Variants in KCNK2 observed in about 807,000 individuals in gnomAD.
KCNK2 encodes potassium channel subfamily K member 2.
KCNK2 carries 21 observed loss-of-function variants against 40.5 expected under a neutral mutation model. That is an observed-to-expected ratio of 0.52 (90% CI 0.37 to 0.75). KCNK2 has a LOEUF of 0.75. Ranked by LOEUF, KCNK2 falls within the 30% of genes least tolerant of loss-of-function variation. The pLI, the probability that KCNK2 is intolerant of heterozygous loss-of-function variation, is 0.00. For missense variants in KCNK2, 399 were observed against 531.6 expected (o/e 0.75, Z 2.45); for synonymous variants, 191 against 202.2 (o/e 0.94, Z 0.47).
At chr1:215,159,847 G>A (rs911996750) in intron 3 of KCNK2, among the ~76,000 whole-genome samples, 1 of 152,134 alleles carries the variant, frequency 6.6e-6, no homozygotes, top group Admixed American at 6.6e-5. Context: ...CATCTTAATA[G>A]GACAAGCTAA....
At chr1:215,133,749 A>T (rs1340628439) in intron 3 of KCNK2, among the ~76,000 whole-genome samples, 3 of 152,012 alleles carry the variant, frequency 2.0e-5, no homozygotes, top group Non-Finnish European at 4.4e-5. Context: ...AATGAAGTTC[A>T]TGTTTAACTA....
At chr1:215,111,156 A>G (rs773673096) in intron 2 of KCNK2, among the ~76,000 whole-genome samples, 2 of 152,060 alleles carry the variant, frequency 1.3e-5, no homozygotes, top group Non-Finnish European at 2.9e-5. Context: ...ATGTCTTTTC[A>G]TGTAATCTGA....
chr1:215,119,652 C>G (rs1661093696), intron 2 of KCNK2, among the ~76,000 whole-genome samples: 1 of 152,174 alleles, frequency 6.6e-6, no homozygotes, highest in South Asian at 2.1e-4. Flanking sequence ...TATTAATCAG[C>G]ACTTCAGGTA....
At chr1:215,185,758 T>G (rs1664409253) in intron 5 of KCNK2, among the ~76,000 whole-genome samples, 1 of 152,144 alleles carries the variant, frequency 6.6e-6, no homozygotes, top group Admixed American at 6.5e-5. Flanking sequence ...ATAAATCTCA[T>G]AAGGAAACAA....
intron 6 of KCNK2, among the ~76,000 whole-genome samples, chr1:215,204,037 C>CAAA (rs71167813): frequency 0.018 from 936 of 53,156 alleles, 215 homozygotes; most frequent in African/African-American, 0.091. Flanking sequence ...GACTCCGTCT[C>CAAA]AAAAAAAAAA....
chr1:215,022,461 C>T (rs201999593), intron 1 of KCNK2, among the ~76,000 whole-genome samples: 1 of 151,796 alleles, frequency 6.6e-6, no homozygotes, highest in African/African-American at 2.4e-5. Context: ...AAACAAGAGA[C>T]GTGTGTGGCT....
chr1:215,049,407 A>G (rs1657901742), intron 1 of KCNK2, among the ~76,000 whole-genome samples: 1 of 152,132 alleles, frequency 6.6e-6, no homozygotes, highest in South Asian at 2.1e-4. Context: ...ACTGTCAGAT[A>G]TATGGTTTAC....
chr1:215,075,693 T>G (rs945500339), intron 1 of KCNK2, among the ~76,000 whole-genome samples: 2 of 152,208 alleles, frequency 1.3e-5, no homozygotes, highest in African/African-American at 2.4e-5. Context: ...AAAGTGGATG[T>G]TGTTATGTGC....
intron 1 of KCNK2, among the ~76,000 whole-genome samples, chr1:215,058,660 A>C (rs972476012): frequency 4.0e-5 from 6 of 151,798 alleles, no homozygotes; most frequent in African/African-American, 1.5e-4. Context: ...TAAAATCCAA[A>C]CCCTTTCTCC....
chr1:215,141,186 T>TA (rs1423238009), intron 3 of KCNK2, among the ~76,000 whole-genome samples: 1 of 152,110 alleles, frequency 6.6e-6, no homozygotes, highest in African/African-American at 2.4e-5. Context: ...GAATATCTAT[T>TA]ACGGTTAACG....
intron 6 of KCNK2, among the ~76,000 whole-genome samples, chr1:215,208,108 C>T (rs1236390050): frequency 6.6e-6 from 1 of 152,138 alleles, no homozygotes; most frequent in Non-Finnish European, 1.5e-5. Context: ...ATAGCAAAGA[C>T]ATGGAATCAA....
intron 1 of KCNK2, among the ~76,000 whole-genome samples, chr1:215,075,854 A>G (rs982270160): frequency 7.2e-5 from 11 of 152,156 alleles, no homozygotes; most frequent in African/African-American, 2.7e-4. Context: ...CCTGCCTCTC[A>G]TCCAGTGGTT....
chr1:215,211,970 AT>A, intron 6 of KCNK2, among the ~76,000 whole-genome samples: 1 of 152,248 alleles, frequency 6.6e-6, no homozygotes, highest in Non-Finnish European at 1.5e-5. Flanking sequence ...AAATGACAAT[AT>A]TTAAGGAGTG....
intron 5 of KCNK2, 35 bp downstream of exon 5, chr1:215,172,218 A>T: frequency 6.4e-7 from 1 of 1,556,320 alleles, no homozygotes; most frequent in South Asian, 1.2e-5. Flanking sequence ...TACTCTTCTA[A>T]CAGGGGTTTA....
At chr1:215,034,138 G>T (rs1657301624) in intron 1 of KCNK2, among the ~76,000 whole-genome samples, 2 of 152,138 alleles carry the variant, frequency 1.3e-5, no homozygotes, top group African/African-American at 4.8e-5. Flanking sequence ...TCTAAAAAGA[G>T]TTGTTGACTT....
At chr1:215,083,619 C>G (rs1659285170) in intron 1 of KCNK2, 188 bp downstream of exon 1, 1 of 608,680 alleles carries the variant, frequency 1.6e-6, no homozygotes, top group South Asian at 2.0e-5. Context: ...CACGCCGCTT[C>G]TCCCCCCTCT....
chr1:215,061,440 G>T (rs1391853095), intron 1 of KCNK2, among the ~76,000 whole-genome samples: 1 of 151,988 alleles, frequency 6.6e-6, no homozygotes, highest in Non-Finnish European at 1.5e-5. Context: ...AAGGGACTTT[G>T]GTTTTTTGGG....
chr1:215,112,020 GGCTTGTA>G (rs1240342194), intron 2 of KCNK2, among the ~76,000 whole-genome samples: 1 of 151,546 alleles, frequency 6.6e-6, no homozygotes, highest in Non-Finnish European at 1.5e-5. Flanking sequence ...CTTTTTCAGG[GGCTTGTA>G]ATCTCTTGCT....
At chr1:215,024,701 A>G (rs1034169248) in intron 1 of KCNK2, among the ~76,000 whole-genome samples, 1 of 152,196 alleles carries the variant, frequency 6.6e-6, no homozygotes, top group Non-Finnish European at 1.5e-5. Flanking sequence ...AATGAGAAAA[A>G]CAAAACAAAA....
Sources: allele counts gnomAD v4.1 joint callset (sites outside exome capture counted in the v4.1 genomes callset), GRCh38; gene constraint gnomAD v4.1.1; transcripts MANE v1.5; gene names NCBI Gene and HGNC (gene_info 2026-07-23, HGNC 2026-07-21).